The following DGKB variants were observed in gnomAD, a reference collection of about 807,000 sequenced individuals.
DGKB encodes the protein 90 kDa diacylglycerol kinase.
A neutral mutation model predicts 114.3 loss-of-function variants in DGKB; 67 were observed. The observed-to-expected ratio is 0.59, with a 90% CI of 0.48 to 0.72. DGKB has a LOEUF of 0.72. Ranked by LOEUF, DGKB falls within the 30% of genes least tolerant of loss-of-function variation. DGKB has a pLI of 0.00. For missense variants in DGKB, 907 were observed against 975.2 expected, an observed-to-expected ratio of 0.93 and a Z score of 0.93; for synonymous variants, 398 against 323.1, an observed-to-expected ratio of 1.23 and a Z score of -2.49.
At chr7:14,301,919 T>C (rs1298205377) in intron 23 of DGKB, among the ~76,000 whole-genome samples, 3 of 152,076 alleles carry the variant, frequency 2.0e-5, no homozygotes, top group Non-Finnish European at 4.4e-5. Flanking sequence ...CAAATGTCCC[T>C]GGTCTTGGGT....
chr7:14,795,355 C>T (rs544078542), intron 2 of DGKB, among the ~76,000 whole-genome samples: 10 of 152,146 alleles, frequency 6.6e-5, no homozygotes, highest in South Asian at 6.2e-4. Context: ...AAAGGTAGTC[C>T]GGCATGAGAA....
intron 20 of DGKB, among the ~76,000 whole-genome samples, chr7:14,518,987 C>G (rs1273457637): frequency 1.3e-5 from 2 of 152,074 alleles, no homozygotes; most frequent in Non-Finnish European, 2.9e-5. Context: ...TTGAGAATCA[C>G]TGACCCACTT....
intron 25 of DGKB, among the ~76,000 whole-genome samples, chr7:14,168,779 A>G (rs10238334): frequency 0.034 from 5,140 of 152,338 alleles, 199 homozygotes; most frequent in African/African-American, 0.088. Context: ...GAAGATATCA[A>G]CAGAGTCACA....
intron 20 of DGKB, among the ~76,000 whole-genome samples, chr7:14,504,564 G>A (rs1786722382): frequency 6.6e-6 from 1 of 152,100 alleles, no homozygotes; most frequent in African/African-American, 2.4e-5. Context: ...TGAGATGCAT[G>A]ATTACTAATG....
rs781569705 is a variant in DGKB, at chr7:14,265,318, C to CTTTTTTTTTTTTTTTTTTTTTTTTTTTT, written c.2122+73196_2122+73197insAAAAAAAAAAAAAAAAAAAAAAAAAAAA. Among the ~76,000 whole-genome samples, 27 of 67,732 alleles carry CTTTTTTTTTTTTTTTTTTTTTTTTTTTT rather than the reference C, an allele frequency of 4.0e-4. 1 individual carries two copies. Among genetic ancestry groups the CTTTTTTTTTTTTTTTTTTTTTTTTTTTT allele is most frequent in the East Asian group, 1.5e-3 (2 of 1,362 alleles). The allele number at this position is 67,732 out of a possible 152,430, so 44.4% of individuals were successfully genotyped here. A position where few individuals can be genotyped will look rare whatever the true frequency, so the allele number is the denominator to read the frequency against. ...GGACTGCTGTCTTTTCTCTTGCATT[C>CTTTTTTTTTTTTTTTTTTTTTTTTTTTT]TTTTTTTTTTTTTTTTTTTTGCTTA... On this transcript the variant is annotated intron_variant, in intron 23 of 25. Coordinates refer to ENST00000402815, the MANE Select transcript of DGKB (RefSeq NM_001350709.2).
intron 23 of DGKB, among the ~76,000 whole-genome samples, chr7:14,294,537 C>G (rs1052765649): frequency 2.0e-5 from 3 of 152,088 alleles, no homozygotes; most frequent in African/African-American, 7.2e-5. Context: ...ATATTGCAAA[C>G]AGTATAAGGT....
intron 1 of DGKB, among the ~76,000 whole-genome samples, chr7:14,925,838 T>C (rs891643805): frequency 1.3e-5 from 2 of 151,360 alleles, no homozygotes; most frequent in African/African-American, 2.4e-5. Context: ...TGGACCTTCA[T>C]GTCATTTGCA....
intron 23 of DGKB, among the ~76,000 whole-genome samples, chr7:14,203,190 A>C (rs1786187243): frequency 7.5e-6 from 1 of 132,476 alleles, no homozygotes; most frequent in Non-Finnish European, 1.6e-5. Context: ...TAAAAGTTTC[A>C]GCACTTATTT....
intron 16 of DGKB, among the ~76,000 whole-genome samples, chr7:14,608,049 T>C (rs1310086333): frequency 6.6e-6 from 1 of 151,972 alleles, no homozygotes; most frequent in African/African-American, 2.4e-5. Flanking sequence ...TCTTGACCAG[T>C]CATCTCACAA....
intron 11 of DGKB, 33 bp downstream of exon 11, chr7:14,682,720 A>G: frequency 6.2e-7 from 1 of 1,607,006 alleles, no homozygotes. Context: ...CATAATGGCC[A>G]CCTTCAGAAA....
intron 23 of DGKB, among the ~76,000 whole-genome samples, chr7:14,224,637 T>C (rs1012146155): frequency 1.3e-5 from 2 of 151,902 alleles, no homozygotes; most frequent in African/African-American, 4.8e-5. Flanking sequence ...CATTGGGACT[T>C]GTTTGCTTGT....
chr7:14,373,804 A>G (rs975861378), intron 21 of DGKB, among the ~76,000 whole-genome samples: 67 of 152,086 alleles, frequency 4.4e-4, no homozygotes, highest in African/African-American at 1.6e-3. Flanking sequence ...TACTTTTTCC[A>G]TATTTTAAAA....
At chr7:14,487,585 T>TG (rs1784008482) in intron 20 of DGKB, among the ~76,000 whole-genome samples, 1 of 145,440 alleles carries the variant, frequency 6.9e-6, no homozygotes, top group African/African-American at 2.5e-5. Flanking sequence ...GAAAATTCCT[T>TG]TTTTTTTTTT....
At chr7:14,680,087 A>G (rs1177979757) in intron 12 of DGKB, among the ~76,000 whole-genome samples, 1 of 151,950 alleles carries the variant, frequency 6.6e-6, no homozygotes, top group African/African-American at 2.4e-5. Flanking sequence ...AAGGCTGAGG[A>G]TGGATAAAAG....
intron 2 of DGKB, among the ~76,000 whole-genome samples, chr7:14,810,189 A>T (rs1410618786): frequency 1.3e-5 from 2 of 152,230 alleles, no homozygotes; most frequent in Non-Finnish European, 2.9e-5. Flanking sequence ...CTAGGCTCAG[A>T]GGTCAATGAC....
intron 21 of DGKB, among the ~76,000 whole-genome samples, chr7:14,392,379 T>C (rs1322982755): frequency 6.6e-6 from 1 of 152,206 alleles, no homozygotes; most frequent in Non-Finnish European, 1.5e-5. Context: ...GTTTATTTTG[T>C]TTTGTATTGC....
At chr7:14,239,391 G>A (rs1793309966) in intron 23 of DGKB, among the ~76,000 whole-genome samples, 1 of 151,942 alleles carries the variant, frequency 6.6e-6, no homozygotes, top group Non-Finnish European at 1.5e-5. Flanking sequence ...TTTAAAAAGT[G>A]TTTCCAAAAC....
intron 23 of DGKB, among the ~76,000 whole-genome samples, chr7:14,234,945 C>A (rs1429748650): frequency 6.6e-6 from 1 of 152,072 alleles, no homozygotes; most frequent in African/African-American, 2.4e-5. Flanking sequence ...AGATTCATTT[C>A]TGCTCTCTGT....
At chr7:14,601,638 C>G (rs1000536985) in intron 17 of DGKB, among the ~76,000 whole-genome samples, 2 of 152,154 alleles carry the variant, frequency 1.3e-5, no homozygotes, top group African/African-American at 4.8e-5. Context: ...ATGCCACACC[C>G]TCAACACTTT....
Sources: gnomAD v4.1 joint callset for allele counts (sites outside exome capture counted in the v4.1 genomes callset) on GRCh38, gnomAD v4.1.1 for gene constraint, MANE v1.5 for transcripts, NCBI Gene and HGNC (gene_info 2026-07-23, HGNC 2026-07-21) for gene names.